CNTLN: variants seen among roughly 807,000 people sequenced by gnomAD.
The protein encoded by CNTLN is centlein, centrosomal protein.
Under a neutral mutation model 180.0 loss-of-function variants are expected in CNTLN, and 212 were observed. The ratio of observed to expected loss-of-function variants is 1.18; its 90% CI spans 1.05 to 1.32. The LOEUF (loss-of-function observed/expected upper bound fraction) is 1.32. Ranked by LOEUF, CNTLN falls within the 40% of genes most tolerant of loss-of-function variation. CNTLN has a pLI of 0.00. For synonymous variants in CNTLN, 722 were observed against 563.1 expected, an observed-to-expected ratio of 1.28 and a Z score of -3.99; for missense variants, 2,095 against 1,610.9, an observed-to-expected ratio of 1.30 and a Z score of -5.14.
chr9:17,345,208 G>A (rs1002677369), intron 12 of CNTLN, among the ~76,000 whole-genome samples: 2 of 152,048 alleles, frequency 1.3e-5, no homozygotes, highest in Admixed American at 1.3e-4. Context: ...TATTTTTTAA[G>A]GGAAATGCCC....
chr9:17,433,031 A>AC lies in CNTLN; in HGVS notation c.3114+16842_3114+16843insC, dbSNP rs1183469638. On this transcript the variant is annotated intron_variant, in intron 18 of 25. Transcript: ENST00000380647. The stretch of plus-strand genomic sequence containing the variant: ...GCAAGACTCTGTCTCAAAAAAAAAA[A>AC]AAAAAAACAAAGATTAGGAACAGAA... Among the ~76,000 whole-genome samples the AC allele has an allele frequency of 1.8e-3, 270 of 150,630 alleles. 3 individuals carry two copies. Among genetic ancestry groups the AC allele is most frequent in the Non-Finnish European group, 1.8e-3 (120 of 67,714 alleles).
At chr9:17,146,073 C>G (rs983197681) in intron 2 of CNTLN, among the ~76,000 whole-genome samples, 6 of 152,152 alleles carry the variant, frequency 3.9e-5, no homozygotes, top group African/African-American at 7.2e-5. Context: ...AGGATTTTCT[C>G]TTTAGGTGCA....
chr9:17,461,059 G>C (rs901909000), intron 19 of CNTLN, among the ~76,000 whole-genome samples: 1 of 151,454 alleles, frequency 6.6e-6, no homozygotes, highest in Non-Finnish European at 1.5e-5. Context: ...GGACCATTTA[G>C]AGGAGCGATA....
intron 19 of CNTLN, among the ~76,000 whole-genome samples, chr9:17,461,383 C>G (rs1057501076): frequency 4.6e-5 from 7 of 151,674 alleles, no homozygotes; most frequent in Non-Finnish European, 1.0e-4. Flanking sequence ...CAATACATCA[C>G]TGTAAACGTG....
the CNTLN span, among the ~76,000 whole-genome samples, chr9:17,512,375 G>A: frequency 6.6e-6 from 1 of 152,164 alleles, no homozygotes; most frequent in Non-Finnish European, 1.5e-5. Flanking sequence ...GCAGCAACAT[G>A]GATGCAGTTG....
intron 2 of CNTLN, among the ~76,000 whole-genome samples, chr9:17,171,417 T>C (rs1820412491): frequency 6.6e-6 from 1 of 152,162 alleles, no homozygotes; most frequent in South Asian, 2.1e-4. Flanking sequence ...CCATGCAGTT[T>C]TGTCAGCTGA....
chr9:17,239,737 A>G (rs1825374429), intron 5 of CNTLN, among the ~76,000 whole-genome samples: 1 of 152,090 alleles, frequency 6.6e-6, no homozygotes, highest in Non-Finnish European at 1.5e-5. Context: ...TTTTTTCCCC[A>G]CTGAATTGTC....
At chr9:17,346,681 TCATAA>T (rs1821927412) in intron 12 of CNTLN, among the ~76,000 whole-genome samples, 1 of 152,222 alleles carries the variant, frequency 6.6e-6, no homozygotes, top group Admixed American at 6.5e-5. Flanking sequence ...AGAAGTTTGG[TCATAA>T]CATGTCTTGG....
At chr9:17,407,018 T>C (rs1241840706) in intron 15 of CNTLN, among the ~76,000 whole-genome samples, 1 of 149,430 alleles carries the variant, frequency 6.7e-6, no homozygotes, top group African/African-American at 2.5e-5. Context: ...AAAAGAGGAA[T>C]AGAACATAAA....
At chr9:17,257,164 C>A (rs1205549619) in intron 5 of CNTLN, among the ~76,000 whole-genome samples, 1 of 150,944 alleles carries the variant, frequency 6.6e-6, no homozygotes, top group Non-Finnish European at 1.5e-5. Flanking sequence ...GTGTGATGTT[C>A]CCCTTCCTGT....
chr9:17,152,777 A>G (rs1305255593), intron 2 of CNTLN, among the ~76,000 whole-genome samples: 2 of 152,120 alleles, frequency 1.3e-5, no homozygotes, highest in Admixed American at 6.5e-5. Flanking sequence ...CTCACCCACT[A>G]TTATTGTGTG....
intron 5 of CNTLN, among the ~76,000 whole-genome samples, chr9:17,261,859 A>G (rs1050628765): frequency 6.6e-6 from 1 of 151,648 alleles, no homozygotes; most frequent in African/African-American, 2.4e-5. Context: ...CAGAATCTAC[A>G]AGGAACTTAA....
At chr9:17,180,929 T>C (rs908801456) in intron 2 of CNTLN, among the ~76,000 whole-genome samples, 21 of 152,226 alleles carry the variant, frequency 1.4e-4, no homozygotes, top group African/African-American at 4.8e-4. Context: ...ATCTGAATCA[T>C]TGTTTTTAGG....
chr9:17,457,738 A>G, intron 19 of CNTLN, 23 bp downstream of exon 19: 2 of 1,343,008 alleles, frequency 1.5e-6, no homozygotes, highest in Non-Finnish European at 9.8e-7. Context: ...TTTATTAAGC[A>G]TGAAAACATA....
chr9:17,426,542 G>T (rs1015126643), intron 18 of CNTLN, among the ~76,000 whole-genome samples: 1 of 151,686 alleles, frequency 6.6e-6, no homozygotes, highest in African/African-American at 2.4e-5. Flanking sequence ...ATATGTACAT[G>T]TATATAATAT....
Position 17,367,014 on chromosome 9 carries a change from C to A in CNTLN, c.1987+297C>A, listed in dbSNP as rs551788215. On this transcript the variant is annotated intron_variant, in intron 13 of 25. Coordinates refer to ENST00000380647, the MANE Select transcript of CNTLN (RefSeq NM_017738.4). The stretch of plus-strand genomic sequence containing the variant: ...GAACTACCTACACACACAAAAAAAA[C>A]ACCTACATAAGAATCAGAAATCAGG... 2.2e-3 allele frequency among the ~76,000 whole-genome samples: 333 copies of A among 152,248 alleles called. 5 individuals carry two copies. In the South Asian group the frequency reaches 0.031, roughly 14 times the overall value.
intron 12 of CNTLN, among the ~76,000 whole-genome samples, chr9:17,353,777 GC>G (rs1412013861): frequency 6.6e-6 from 1 of 151,978 alleles, no homozygotes; most frequent in Non-Finnish European, 1.5e-5. Context: ...CGTGCTGGCA[GC>G]CCTCAGAGCC....
chr9:17,516,532 A>T, the CNTLN span, among the ~76,000 whole-genome samples: 15 of 152,206 alleles, frequency 9.9e-5, no homozygotes, highest in Admixed American at 5.2e-4. Flanking sequence ...ATGTAACTGG[A>T]CAAAGGGGGA....
intron 7 of CNTLN, among the ~76,000 whole-genome samples, chr9:17,302,481 G>A (rs1020983889): frequency 1.3e-5 from 2 of 152,120 alleles, no homozygotes; most frequent in African/African-American, 4.8e-5. Flanking sequence ...TTATAGGTGT[G>A]AGCCACTGTG....
Sources: gnomAD v4.1 joint callset for allele counts (sites outside exome capture counted in the v4.1 genomes callset) on GRCh38, gnomAD v4.1.1 for gene constraint, MANE v1.5 for transcripts, NCBI Gene and HGNC (gene_info 2026-07-23, HGNC 2026-07-21) for gene names.